The following TSEN15 variants were observed in gnomAD, a reference collection of about 807,000 sequenced individuals.
TSEN15 encodes the protein tRNA splicing endonuclease subunit 15.
A neutral mutation model predicts 20.5 loss-of-function variants in TSEN15; 10 were observed. The observed-to-expected ratio is 0.49, with a 90% confidence interval of 0.30 to 0.83. TSEN15 has a LOEUF of 0.83. Ranked by LOEUF, TSEN15 falls within the 40% of genes least tolerant of loss-of-function variation. The pLI is 0.06. For missense variants in TSEN15, 180 were observed against 218.6 expected (o/e 0.82, Z 1.11); for synonymous variants, 72 against 80.1 (o/e 0.90, Z 0.54).
intron 3 of TSEN15, among the ~76,000 whole-genome samples, chr1:184,068,250 A>G (rs1650761009): frequency 6.6e-6 from 1 of 152,092 alleles, no homozygotes; most frequent in Non-Finnish European, 1.5e-5. Context: ...CTCAAATGCT[A>G]CATACTTTCT....
chr1:184,056,013 A>G (rs1650239328), intron 3 of TSEN15, among the ~76,000 whole-genome samples: 2 of 151,824 alleles, frequency 1.3e-5, no homozygotes, highest in South Asian at 4.1e-4. Context: ...GACCTTATAC[A>G]CTTAATATTA....
At chr1:184,096,901 G>A (rs750327357) in exon 4 of TSEN15, 2 of 152,112 alleles carry the variant, frequency 1.3e-5, no homozygotes, top group East Asian at 1.9e-4. Context: ...CCCACAACAC[G>A]TGGGAATTCA....
At chr1:184,094,560 C>G (rs1200456515) in intron 3 of TSEN15, 1 of 152,682 alleles carries the variant, frequency 6.5e-6, no homozygotes, top group Non-Finnish European at 1.5e-5. Context: ...GCCTGCACAC[C>G]GTCCTTTGCT....
intron 3 of TSEN15, among the ~76,000 whole-genome samples, chr1:184,080,100 A>G (rs1425847335): frequency 6.6e-6 from 1 of 152,202 alleles, no homozygotes; most frequent in Non-Finnish European, 1.5e-5. Flanking sequence ...GTGCACAGTG[A>G]ACCTCTAAGG....
At chr1:184,088,108 G>GT (rs1300653738) in intron 3 of TSEN15, among the ~76,000 whole-genome samples, 4 of 152,120 alleles carry the variant, frequency 2.6e-5, no homozygotes, top group African/African-American at 9.7e-5. Context: ...AGAAAGACCG[G>GT]AGCCACCTCA....
chr1:184,055,878 A>G (rs1025467247), intron 3 of TSEN15, among the ~76,000 whole-genome samples: 2 of 152,144 alleles, frequency 1.3e-5, no homozygotes, highest in African/African-American at 4.8e-5. Context: ...ATCTAATCTT[A>G]TAAGTCCCTT....
At chr1:184,067,973 T>TACAC (rs1557883621) in intron 3 of TSEN15, among the ~76,000 whole-genome samples, 5 of 138,104 alleles carry the variant, frequency 3.6e-5, no homozygotes, top group African/African-American at 1.3e-4. Context: ...TATATATATG[T>TACAC]ACATATGTAT....
exon 4 of TSEN15, chr1:184,096,140 T>G (rs1377361848): frequency 5.9e-6 from 1 of 168,804 alleles, no homozygotes; most frequent in Non-Finnish European, 1.3e-5. Context: ...TCACTGAAAT[T>G]TTCTGATCCT....
At chr1:184,075,833 A>G (rs1651047896), downstream of TSEN15, among the ~76,000 whole-genome samples, 1 of 151,614 alleles carries the variant, frequency 6.6e-6, no homozygotes, top group Non-Finnish European at 1.5e-5. Flanking sequence ...TTTGCTTAAA[A>G]TGTAGATCTA....
At chr1:184,095,851 G>T (rs897256201) in exon 4 of TSEN15, 1 of 398,034 alleles carries the variant, frequency 2.5e-6, no homozygotes, top group African/African-American at 2.1e-5. Context: ...AAGCCACCTG[G>T]TCTGTGGTAT....
At chr1:184,076,472 G>A (rs902746763), downstream of TSEN15, among the ~76,000 whole-genome samples, 4 of 152,084 alleles carry the variant, frequency 2.6e-5, no homozygotes, top group African/African-American at 9.7e-5. Flanking sequence ...CTGAGAAACA[G>A]CAATATTGAA....
exon 4 of TSEN15, chr1:184,096,055 A>G: frequency 3.8e-6 from 1 of 265,074 alleles, no homozygotes; most frequent in Non-Finnish European, 7.0e-6. Context: ...TGGAAACTCC[A>G]GTAACAAACA....
chr1:184,072,743 A>G, intron 4 of TSEN15, 84 bp from the exon 5 acceptor site: 1 of 1,156,212 alleles, frequency 8.6e-7, no homozygotes, highest in Admixed American at 1.9e-5. Context: ...AATTTGGATA[A>G]TTACATTAAA....
At chr1:184,084,308 A>G (rs149457734) in intron 3 of TSEN15, among the ~76,000 whole-genome samples, 2 of 152,130 alleles carry the variant, frequency 1.3e-5, no homozygotes, top group Admixed American at 1.3e-4. Flanking sequence ...TCCTCCAAGG[A>G]GTAGGACCTA....
At chr1:184,071,772 A>T (rs1650892577) in intron 3 of TSEN15, among the ~76,000 whole-genome samples, 1 of 152,118 alleles carries the variant, frequency 6.6e-6, no homozygotes, top group Admixed American at 6.6e-5. Flanking sequence ...GCAGGCATGA[A>T]TCCAACCATA....
intron 3 of TSEN15, among the ~76,000 whole-genome samples, chr1:184,088,242 G>A (rs1651299006): frequency 6.6e-6 from 1 of 152,160 alleles, no homozygotes; most frequent in East Asian, 1.9e-4. Flanking sequence ...CTTAGCGGTA[G>A]GAGCTCCCTG....
At position 184,072,249 on chromosome 1, in the gene TSEN15, C is replaced by G; in HGVS notation, c.446C>G (p.Thr149Arg). 1 of 1,613,382 alleles carries G rather than the reference C, an allele frequency of 6.2e-7. No individual in the cohort carries two copies. The highest frequency in any genetic ancestry group is 8.5e-7 in the Non-Finnish European group (1 of 1,179,584). ...TTGGCCATAGTGGAGTCTGATTCTACAATAGTCTATTATAAACTTACTGAT... is the reference window on the plus strand; with the variant it reads ...TTGGCCATAGTGGAGTCTGATTCTAGAATAGTCTATTATAAACTTACTGAT... The part of the protein sequence containing the change: ...FTLAIVESDS[T>R]IVYYKLTDGF... Residue 149 changes from threonine (T) to arginine (R), a missense_variant, in exon 4 of 5, where the codon ACA becomes AGA. By Grantham distance (71) the Thr-to-Arg change is moderately conservative. Coordinates refer to ENST00000645668, the MANE Select transcript of TSEN15 (RefSeq NM_052965.4).
In TSEN15 at chr1:184,073,709, G is replaced by C. The variant is rs1387367705; in HGVS notation, c.*862G>C. On this transcript the variant is annotated 3_prime_UTR_variant, in exon 5 of 5. Coordinates refer to ENST00000645668, the MANE Select transcript of TSEN15 (RefSeq NM_052965.4). ...AAATTATAAACCACTTTAAAGTTTGGGGTAAAGATTGGCAAACTTTTTCTA... is the reference window on the plus strand; with the variant it reads ...AAATTATAAACCACTTTAAAGTTTGCGGTAAAGATTGGCAAACTTTTTCTA... 1 of 152,502 alleles carries C rather than the reference G, an allele frequency of 6.6e-6. No homozygotes were observed. Among genetic ancestry groups the C allele is most frequent in the Non-Finnish European group, 1.5e-5 (1 of 68,016 alleles). 9.4% of individuals were successfully genotyped at this position (152,502 alleles called of 1,614,324 possible). A position where few individuals can be genotyped will look rare whatever the true frequency, so the allele number is the denominator to read the frequency against.
chr1:184,072,659 G>T, intron 4 of TSEN15, 168 bp from the exon 5 acceptor site: 1 of 661,546 alleles, frequency 1.5e-6, no homozygotes. Context: ...TGTTAAATTG[G>T]TTGACATTTT....
Sources: gnomAD v4.1 joint callset for allele counts (sites outside exome capture counted in the v4.1 genomes callset) on GRCh38, gnomAD v4.1.1 for gene constraint, MANE v1.5 for transcripts, NCBI Gene and HGNC (gene_info 2026-07-23, HGNC 2026-07-21) for gene names.